Variants in AGO3 observed in about 807,000 individuals in gnomAD.
The protein encoded by AGO3 is argonaute RISC catalytic component 3.
Under a neutral mutation model 105.5 loss-of-function variants are expected in AGO3, and 16 were observed. The observed-to-expected ratio is 0.15, with a 90% CI of 0.10 to 0.23. The LOEUF (loss-of-function observed/expected upper bound fraction) is 0.23. Among genes scored for constraint, AGO3 ranks in the 10% least tolerant of loss-of-function variants. AGO3 has a pLI of 1.00. For synonymous variants in AGO3, 340 were observed against 367.3 expected (o/e 0.93, Z 0.85); for missense variants, 534 against 1,088.0 (o/e 0.49, Z 7.16).
chr1:36,003,694 C>CAA (rs1209511459), intron 5 of AGO3, among the ~76,000 whole-genome samples: 3,474 of 53,138 alleles, frequency 0.065, 292 homozygotes, highest in South Asian at 0.1. Context: ...AAGTCTGTCT[C>CAA]AAAAAAAAAA....
intron 11 of AGO3, among the ~76,000 whole-genome samples, chr1:36,016,497 G>A (rs141512613): frequency 4.3e-4 from 66 of 152,194 alleles, no homozygotes; most frequent in Admixed American, 1.2e-3. Flanking sequence ...TACAGTTTAC[G>A]ATGTTCAGAG....
intron 1 of AGO3, among the ~76,000 whole-genome samples, chr1:35,944,415 C>G (rs1646319012): frequency 6.6e-6 from 1 of 151,796 alleles, no homozygotes; most frequent in Non-Finnish European, 1.5e-5. Context: ...ATCAAACTGT[C>G]AAATTTATTG....
At chr1:35,946,608 G>A (rs1205348687) in intron 2 of AGO3, among the ~76,000 whole-genome samples, 1 of 152,126 alleles carries the variant, frequency 6.6e-6, no homozygotes, top group Non-Finnish European at 1.5e-5. Context: ...CTTCATTTAA[G>A]ACATTTAAGA....
chr1:35,969,816 A>G (rs1475236712), intron 3 of AGO3, among the ~76,000 whole-genome samples: 1 of 152,208 alleles, frequency 6.6e-6, no homozygotes, highest in Non-Finnish European at 1.5e-5. Context: ...GGATGTTACT[A>G]TACCGAATAC....
chr1:35,959,166 TG>T (rs1414199172), intron 2 of AGO3, among the ~76,000 whole-genome samples: 1 of 152,194 alleles, frequency 6.6e-6, no homozygotes, highest in Non-Finnish European at 1.5e-5. Context: ...ATAAGTCAGG[TG>T]GTAAAATGGG....
intron 17 of AGO3, among the ~76,000 whole-genome samples, chr1:36,048,570 AGAAGAAAG>A (rs1642571796): frequency 6.6e-6 from 1 of 152,180 alleles, no homozygotes; most frequent in Non-Finnish European, 1.5e-5. Context: ...CATGATAATA[AGAAGAAAG>A]GAAGAAAGGA....
chr1:36,037,294 G>C (rs1368121251), intron 14 of AGO3, among the ~76,000 whole-genome samples: 1 of 152,056 alleles, frequency 6.6e-6, no homozygotes, highest in African/African-American at 2.4e-5. Flanking sequence ...CTGAGGCGGG[G>C]GTGGATCGCT....
chr1:36,014,162 C>T, intron 11 of AGO3, 114 bp downstream of exon 11: 1 of 1,375,166 alleles, frequency 7.3e-7, no homozygotes, highest in South Asian at 1.4e-5. Context: ...ATCACTGAAC[C>T]ATTTTTTTTT....
chr1:36,065,612 A>G lies in AGO3; in HGVS notation c.*9867A>G, dbSNP rs193242673. The G allele has an allele frequency of 6.6e-6, 1 of 152,334 alleles. No individual in the cohort carries two copies. Among genetic ancestry groups the G allele is most frequent in the Admixed American group, 6.5e-5 (1 of 15,290 alleles). The allele number at this position is 152,334 out of a possible 1,614,324, so 9.4% of individuals were successfully genotyped here. On this transcript the variant is annotated 3_prime_UTR_variant, in exon 19 of 19. Transcript: ENST00000373191. ...ACAGAGCAAGACTCCATCTCAAAACAAACATACAAACAAAAAAAGGTGCCT... is the reference window on the plus strand; with the variant it reads ...ACAGAGCAAGACTCCATCTCAAAACGAACATACAAACAAAAAAAGGTGCCT...
At position 36,071,544 on chromosome 1, in the gene AGO3, T is replaced by G. The variant is rs1326155854; in HGVS notation, c.*15799T>G. 2.6e-5 allele frequency: 4 copies of G among 152,218 alleles called. No homozygotes were observed. Among genetic ancestry groups the G allele is most frequent in the Admixed American group, 6.5e-5 (1 of 15,276 alleles). The allele number at this position is 152,218 out of a possible 1,614,324, so 9.4% of individuals were successfully genotyped here. On this transcript the variant is annotated 3_prime_UTR_variant, in exon 19 of 19. Coordinates refer to ENST00000373191, the MANE Select transcript of AGO3 (RefSeq NM_024852.4). ...CAAATATTTCTACTGAAACCCAGTT[T>G]CAGCAAGGCAAAATGATGGGACTCT...
At chr1:35,931,670 AT>A (rs1037743015) in intron 1 of AGO3, among the ~76,000 whole-genome samples, 1 of 152,188 alleles carries the variant, frequency 6.6e-6, no homozygotes, top group African/African-American at 2.4e-5. Flanking sequence ...CGCTTGGAGG[AT>A]TTAAGTTTGG....
rs1168914383 is a variant in AGO3, at chr1:36,064,644, T to C, written c.*8899T>C. 6.6e-6 allele frequency: 1 copy of C among 152,114 alleles called. No homozygotes were observed. The highest frequency in any genetic ancestry group is 1.9e-4 in the East Asian group (1 of 5,200). 9.4% of individuals were successfully genotyped at this position (152,114 alleles called of 1,614,324 possible). ...TGTCAGGTAATTATAAATGGGAAAATTTTATTTTTATATGATGTAAAGTTT... is the reference window on the plus strand; with the variant it reads ...TGTCAGGTAATTATAAATGGGAAAACTTTATTTTTATATGATGTAAAGTTT... On this transcript the variant is annotated 3_prime_UTR_variant, in exon 19 of 19. Coordinates refer to ENST00000373191, the MANE Select transcript of AGO3 (RefSeq NM_024852.4).
At chr1:35,996,201 T>C (rs536647508) in intron 5 of AGO3, among the ~76,000 whole-genome samples, 16 of 151,984 alleles carry the variant, frequency 1.1e-4, no homozygotes, top group African/African-American at 3.6e-4. Context: ...GGTGCATGCC[T>C]CTATTCCCAG....
intron 2 of AGO3, among the ~76,000 whole-genome samples, 195 bp downstream of exon 2, chr1:35,946,058 C>T (rs1036399021): frequency 6.6e-6 from 1 of 152,140 alleles, no homozygotes; most frequent in African/African-American, 2.4e-5. Context: ...TTTGTTATAA[C>T]ACGAGCTCAC....
intron 5 of AGO3, among the ~76,000 whole-genome samples, chr1:35,978,190 A>G (rs1293421000): frequency 6.6e-6 from 1 of 151,994 alleles, no homozygotes; most frequent in Admixed American, 6.6e-5. Context: ...AAGGTACCCA[A>G]ATTTCTTGAC....
intron 17 of AGO3, among the ~76,000 whole-genome samples, chr1:36,046,310 G>A (rs553728268): frequency 4.6e-4 from 70 of 152,298 alleles, no homozygotes; most frequent in Non-Finnish European, 7.6e-4. Flanking sequence ...TTAAGGCTAT[G>A]CTATCACCAA....
chr1:36,022,945 CAA>C (rs370799633), intron 11 of AGO3, among the ~76,000 whole-genome samples: 1 of 65,980 alleles, frequency 1.5e-5, no homozygotes, highest in African/African-American at 3.7e-5. Flanking sequence ...AAAAAAAAAA[CAA>C]AAAAAAAAGA....
intron 8 of AGO3, 63 bp downstream of exon 8, chr1:36,009,107 G>A: frequency 1.5e-5 from 20 of 1,374,258 alleles, no homozygotes; most frequent in Non-Finnish European, 1.8e-5. Flanking sequence ...GTCTTTTATG[G>A]CCGATAACTT....
chr1:36,040,499 AGAGCAT>A, intron 16 of AGO3, 58 bp downstream of exon 16: 2 of 1,583,560 alleles, frequency 1.3e-6, no homozygotes, highest in Non-Finnish European at 1.7e-6. Flanking sequence ...CATAGTTCAT[AGAGCAT>A]TCAACAAGGG....
Sources: allele counts gnomAD v4.1 joint callset (sites outside exome capture counted in the v4.1 genomes callset), GRCh38; gene constraint gnomAD v4.1.1; transcripts MANE v1.5; gene names NCBI Gene and HGNC (gene_info 2026-07-23, HGNC 2026-07-21).